The following HMGN1 variants were observed in gnomAD, a reference collection of about 807,000 sequenced individuals.
HMGN1 encodes the protein high mobility group nucleosome binding domain 1.
In HMGN1, 9 loss-of-function variants were observed where a neutral mutation model predicts 18.4. The ratio of observed to expected loss-of-function variants is 0.49; its 90% CI spans 0.29 to 0.85. The LOEUF (loss-of-function observed/expected upper bound fraction) is 0.85, where lower values mean the gene tolerates loss of function less well. Among genes scored for constraint, HMGN1 ranks in the 40% least tolerant of loss-of-function variants. The pLI is 0.07. For missense variants in HMGN1, 151 were observed against 119.2 expected, an observed-to-expected ratio of 1.27 and a Z score of -1.24; for synonymous variants, 59 against 45.0, an observed-to-expected ratio of 1.31 and a Z score of -1.24.
intron 4 of HMGN1, chr21:39,346,748 G>C (rs1343492361): frequency 6.6e-6 from 1 of 152,250 alleles, no homozygotes; most frequent in Non-Finnish European, 1.5e-5. Flanking sequence ...TTCAAAGTCT[G>C]ATCAACCATG....
chr21:39,345,083 G>GT, intron 5 of HMGN1, 63 bp downstream of exon 5: 1 of 1,376,700 alleles, frequency 7.3e-7, no homozygotes. Flanking sequence ...GTACAATTTA[G>GT]TATCTACTGT....
At chr21:39,345,307 T>C in intron 4 of HMGN1, 33 bp from the exon 5 acceptor site, 1 of 1,583,748 alleles carries the variant, frequency 6.3e-7, no homozygotes, top group East Asian at 2.2e-5. Flanking sequence ...TTTAAGTACA[T>C]GCTTTACTCC....
chr21:39,348,711 TC>T, intron 1 of HMGN1, 134 bp from the exon 2 acceptor site: 4 of 1,169,258 alleles, frequency 3.4e-6, no homozygotes, highest in Non-Finnish European at 4.5e-6. Context: ...CCCCCTCAGC[TC>T]CCCCGGCCGC....
At chr21:39,348,617 T>C (rs754980862) in intron 1 of HMGN1, 40 bp from the exon 2 acceptor site, 21 of 1,455,596 alleles carry the variant, frequency 1.4e-5, no homozygotes, top group Non-Finnish European at 1.9e-5. Flanking sequence ...CGGGCCGCAG[T>C]CCCAGGACTC....
At position 39,349,005 on chromosome 21, in the gene HMGN1, C is replaced by T; in HGVS notation, c.-88G>A. ...GGCCGCGGCGCGCCGACAGCCTTCG[C>T]GAAACTGGGCTGCCTTGCCGCTGCC... On this transcript the variant is annotated 5_prime_UTR_variant, in exon 1 of 6. Coordinates refer to ENST00000380749, the MANE Select transcript of HMGN1 (RefSeq NM_004965.7). 8.4e-7 allele frequency: 1 copy of T among 1,196,036 alleles called. No individual in the cohort carries two copies. The allele number at this position is 1,196,036 out of a possible 1,614,324, so 74.1% of individuals were successfully genotyped here.
At chr21:39,348,815 G>T in intron 1 of HMGN1, 88 bp downstream of exon 1, 1 of 1,034,918 alleles carries the variant, frequency 9.7e-7, no homozygotes, top group Non-Finnish European at 1.2e-6. Context: ...TCGCCACCGT[G>T]GGTGCAACGG....
intron 4 of HMGN1, chr21:39,348,023 AAAG>A (rs1343425273): frequency 8.6e-7 from 1 of 1,158,322 alleles, no homozygotes; most frequent in African/African-American, 1.6e-5. Context: ...TACGCAACGC[AAAG>A]AATAAATTTC....
chr21:39,345,389 A>C, intron 4 of HMGN1, 115 bp from the exon 5 acceptor site: 1 of 1,006,926 alleles, frequency 9.9e-7, no homozygotes, highest in Non-Finnish European at 1.5e-6. Flanking sequence ...CTGACTTCAT[A>C]GTAAGGTTTG....
At chr21:39,344,402 AGT>A (rs2036971798) in intron 5 of HMGN1, 1 of 152,212 alleles carries the variant, frequency 6.6e-6, no homozygotes, top group Non-Finnish European at 1.5e-5. Flanking sequence ...CAAATACTTA[AGT>A]GATATCAAAA....
chr21:39,346,081 T>C (rs2037042113), intron 4 of HMGN1: 1 of 522,390 alleles, frequency 1.9e-6, no homozygotes, highest in Admixed American at 2.9e-5. Context: ...GAAGAAAGCT[T>C]AACATTTATT....
chr21:39,345,109 T>TCTCA (rs1555883774), intron 5 of HMGN1, 37 bp downstream of exon 5: 69 of 1,411,116 alleles, frequency 4.9e-5, no homozygotes, highest in Admixed American at 9.1e-5. Context: ...GTCAAAGCAA[T>TCTCA]CACACACACA....
intron 1 of HMGN1, 31 bp from the exon 2 acceptor site, chr21:39,348,608 G>T (rs1279270043): frequency 7.7e-6 from 12 of 1,564,122 alleles, no homozygotes; most frequent in Non-Finnish European, 1.0e-5. Context: ...GAATAGAGGC[G>T]GGCCGCAGTC....
chr21:39,348,694 C>A, intron 1 of HMGN1, 117 bp from the exon 2 acceptor site: 1 of 1,294,074 alleles, frequency 7.7e-7, no homozygotes, highest in South Asian at 1.5e-5. Flanking sequence ...CCGCCCCGTT[C>A]GAATAGCCCC....
At chr21:39,344,486 T>C (rs2036974781) in intron 5 of HMGN1, 1 of 152,126 alleles carries the variant, frequency 6.6e-6, no homozygotes, top group African/African-American at 2.4e-5. Flanking sequence ...AATAAAGGTC[T>C]GGCTTAACTG....
intron 4 of HMGN1, chr21:39,345,530 T>C (rs2037020853): frequency 1.9e-6 from 1 of 527,016 alleles, no homozygotes; most frequent in Admixed American, 3.2e-5. Context: ...ATACACCTAT[T>C]ACATGAGACA....
chr21:39,345,108 A>G, intron 5 of HMGN1, 38 bp downstream of exon 5: 1 of 560,096 alleles, frequency 1.8e-6, no homozygotes, highest in East Asian at 3.3e-5. Context: ...AGTCAAAGCA[A>G]TCACACACAC....
At chr21:39,346,186 A>G in intron 4 of HMGN1, 2 of 352,004 alleles carry the variant, frequency 5.7e-6, no homozygotes, top group Non-Finnish European at 1.1e-5. Flanking sequence ...TACTTGAATT[A>G]AAGGGCCATA....
chr21:39,348,389 A>G, intron 3 of HMGN1, 33 bp downstream of exon 3: 1 of 1,614,200 alleles, frequency 6.2e-7, no homozygotes, highest in Non-Finnish European at 8.5e-7. Context: ...CGACCCGCGG[A>G]AAACGAACGG....
chr21:39,348,469 G>A lies in HMGN1; in HGVS notation c.49-18C>T, dbSNP rs1555884641. The A allele has an allele frequency of 1.2e-6, 2 of 1,614,158 alleles. No homozygotes were observed. Among genetic ancestry groups the A allele is most frequent in the Admixed American group, 1.7e-5 (1 of 60,026 alleles). On this transcript the variant is annotated intron_variant, in intron 2 of 5. Transcript: ENST00000380749. The stretch of plus-strand genomic sequence containing the variant: ...CTCTTGGGCTTGGAGAAAGAAAAAG[G>A]AGAGTCAGCGAGAAGAGAAGGCAGG...
Sources: gnomAD v4.1 joint callset for allele counts on GRCh38, gnomAD v4.1.1 for gene constraint, MANE v1.5 for transcripts, NCBI Gene and HGNC (gene_info 2026-07-23, HGNC 2026-07-21) for gene names.